RPTOR: variants seen among roughly 807,000 people sequenced by gnomAD.
The protein encoded by RPTOR is regulatory associated protein of MTOR complex 1.
In RPTOR, 21 loss-of-function variants were observed where a neutral mutation model predicts 169.9. The observed-to-expected ratio is 0.12, with a 90% CI of 0.09 to 0.18. The LOEUF (loss-of-function observed/expected upper bound fraction) is 0.18, where lower values mean the gene tolerates loss of function less well. Among genes scored for constraint, RPTOR ranks in the 10% least tolerant of loss-of-function variants. The probability of loss-of-function intolerance (pLI) is 1.00; values close to 1 mark genes in which losing one functional copy is unlikely to be tolerated. For synonymous variants in RPTOR, 732 were observed against 753.2 expected, an observed-to-expected ratio of 0.97 and a Z score of 0.46; for missense variants, 1,133 against 1,855.9, an observed-to-expected ratio of 0.61 and a Z score of 7.16.
At chr17:80,698,430 C>T (rs953452655) in intron 3 of RPTOR, among the ~76,000 whole-genome samples, 2 of 152,146 alleles carry the variant, frequency 1.3e-5, no homozygotes, top group African/African-American at 4.8e-5. Context: ...GAGGTTTCTG[C>T]ACCGTTGTCA....
At chr17:80,784,878 T>C (rs2066976801) in intron 6 of RPTOR, among the ~76,000 whole-genome samples, 1 of 151,954 alleles carries the variant, frequency 6.6e-6, no homozygotes, top group East Asian at 1.9e-4. Context: ...CTGGTTTTTT[T>C]TGTTGTTGTT....
At chr17:80,919,137 T>C (rs926068174) in intron 21 of RPTOR, among the ~76,000 whole-genome samples, 3 of 152,218 alleles carry the variant, frequency 2.0e-5, no homozygotes, top group Non-Finnish European at 4.4e-5. Context: ...ATGGGCATCT[T>C]GTTAAGAGTC....
chr17:80,823,201 C>T lies in RPTOR; in HGVS notation c.1114C>T (p.Pro372Ser). 1 of 1,614,100 alleles carries T rather than the reference C, an allele frequency of 6.2e-7. No homozygotes were observed. Among genetic ancestry groups the T allele is most frequent in the Non-Finnish European group, 8.5e-7 (1 of 1,180,008 alleles). Residue 372 changes from proline (P) to serine (S), a missense_variant, in exon 9 of 34, where the codon CCC becomes TCC. Physicochemically the swap from Pro to Ser is moderately conservative, Grantham distance 74 (BLOSUM62 -1). This residue lies in a region of RPTOR where 289 missense variants were observed against 585.8 expected (regional missense o/e 0.49). Transcript: ENST00000306801. The surrounding 1 kb of genome is among the most constrained non-coding windows in gnomAD (Gnocchi z 4.5). ...TCCCGTCAGCAGCCCGCGTCTGCCG[C>T]CCACGTACATGCACGCCATGTGGTG... Reference protein sequence around the residue: ...CTPVSSPRLPPTYMHAMWQAW... With the variant: ...CTPVSSPRLPSTYMHAMWQAW...
At chr17:80,716,980 T>A (rs933049919) in intron 4 of RPTOR, among the ~76,000 whole-genome samples, 2 of 152,222 alleles carry the variant, frequency 1.3e-5, no homozygotes, top group African/African-American at 4.8e-5. Flanking sequence ...GGCCTTATAG[T>A]ATAGTATGAA....
At chr17:80,800,580 C>A (rs9905648) in intron 7 of RPTOR, among the ~76,000 whole-genome samples, 1 of 152,026 alleles carries the variant, frequency 6.6e-6, no homozygotes, top group African/African-American at 2.4e-5. Flanking sequence ...AGCGACCCCC[C>A]CAGTTTCTAA....
In RPTOR at chr17:80,966,228, CCGGCT is replaced by C; in HGVS notation, c.*1901_*1905del. 4.5e-6 allele frequency: 1 copy of C among 222,248 alleles called. No homozygotes were observed. The highest frequency in any genetic ancestry group is 2.3e-5 in the African/African-American group (1 of 43,902). 13.8% of individuals were successfully genotyped at this position (222,248 alleles called of 1,614,324 possible). A position where few individuals can be genotyped will look rare whatever the true frequency, so the allele number is the denominator to read the frequency against. On this transcript the variant is annotated 3_prime_UTR_variant, in exon 34 of 34. Coordinates refer to ENST00000306801, the MANE Select transcript of RPTOR (RefSeq NM_020761.3). ...TGTGAAAATTCAATCACGACGTTAACCGGCTCGAGAGAGCGCCGGCCTAGAGGCTC... is the reference window on the plus strand; with the variant it reads ...TGTGAAAATTCAATCACGACGTTAACCGAGAGAGCGCCGGCCTAGAGGCTC...
At chr17:80,710,229 A>C (rs539178223) in intron 4 of RPTOR, among the ~76,000 whole-genome samples, 108 of 152,224 alleles carry the variant, frequency 7.1e-4, no homozygotes, top group Middle Eastern at 3.4e-3. Context: ...TCCTGAGTCC[A>C]AATAATCCTC....
chr17:80,618,957 T>A (rs972412127), intron 1 of RPTOR, among the ~76,000 whole-genome samples: 11 of 152,318 alleles, frequency 7.2e-5, no homozygotes, highest in Admixed American at 5.2e-4. Context: ...TTCCTTCTCT[T>A]GGACAACTTG....
At chr17:80,875,652 G>A (rs533695467) in intron 13 of RPTOR, among the ~76,000 whole-genome samples, 54 of 152,234 alleles carry the variant, frequency 3.5e-4, no homozygotes, top group African/African-American at 1.1e-3. Context: ...TCTGAGCCCC[G>A]AGTCTCTGCC....
chr17:80,545,199 C>A lies in RPTOR; in HGVS notation c.-431C>A. ...CCTTGGCCGGAGACCTCAGCCCAGT[C>A]GGCCCAGTGGGCGAACCGGCACCAA... is the stretch of plus-strand genomic sequence containing the variant. On this transcript the variant is annotated 5_prime_UTR_variant, in exon 1 of 34. Transcript: ENST00000306801. 1 of 235,856 alleles carries A rather than the reference C, an allele frequency of 4.2e-6. No homozygotes were observed. Among genetic ancestry groups the A allele is most frequent in the Non-Finnish European group, 8.4e-6 (1 of 119,548 alleles). The allele number at this position is 235,856 out of a possible 1,614,324, so 14.6% of individuals were successfully genotyped here. A position where few individuals can be genotyped will look rare whatever the true frequency, so the allele number is the denominator to read the frequency against.
chr17:80,934,000 G>A (rs904397478), intron 24 of RPTOR, among the ~76,000 whole-genome samples: 5 of 151,480 alleles, frequency 3.3e-5, no homozygotes, highest in South Asian at 2.1e-4. Flanking sequence ...GGGGTTCAGC[G>A]GTGCAATACC....
intron 7 of RPTOR, among the ~76,000 whole-genome samples, chr17:80,799,176 AATTATAGTT>A (rs1457671098): frequency 6.6e-6 from 1 of 152,180 alleles, no homozygotes; most frequent in Non-Finnish European, 1.5e-5. Flanking sequence ...ACTTGTTTTT[AATTATAGTT>A]TTAAGACCAG....
chr17:80,651,142 G>A lies in RPTOR; in HGVS notation c.348+7332G>A, dbSNP rs1364876668. Among the ~76,000 whole-genome samples the A allele has an allele frequency of 6.6e-6, 1 of 152,202 alleles. No homozygotes were observed. The highest frequency in any genetic ancestry group is 1.5e-5 in the Non-Finnish European group (1 of 68,032). On this transcript the variant is annotated intron_variant, in intron 3 of 33. Coordinates refer to ENST00000306801, the MANE Select transcript of RPTOR (RefSeq NM_020761.3). The surrounding 1 kb of genome is among the most constrained non-coding windows in gnomAD (Gnocchi z 4.1). ...TAACTTGGGGACCGTGATACAGAGC[G>A]ATGCGGAGATGGCTCTGAAGGACAG...
intron 24 of RPTOR, among the ~76,000 whole-genome samples, chr17:80,930,438 C>A (rs2068879961): frequency 3.1e-5 from 1 of 32,602 alleles, no homozygotes; most frequent in African/African-American, 1.2e-4. Context: ...TCCTCATCCC[C>A]AGCTCATCCT....
chr17:80,936,901 G>A lies in RPTOR; in HGVS notation c.2920-3595G>A, dbSNP rs575951075. 2.0e-5 allele frequency among the ~76,000 whole-genome samples: 3 copies of A among 152,348 alleles called. No individual in the cohort carries two copies. In the South Asian group the frequency reaches 6.2e-4, roughly 32 times the overall value. ...GCTTGGCGATTTGTGGTAACACAAA[G>A]GCTGTGTCCTTGGACGTAATGTACA... is the stretch of plus-strand genomic sequence containing the variant. On this transcript the variant is annotated intron_variant, in intron 24 of 33. Transcript: ENST00000306801. The surrounding 1 kb of genome is among the most constrained non-coding windows in gnomAD (Gnocchi z 4.1).
At chr17:80,924,619 C>G (rs2068789009) in intron 23 of RPTOR, among the ~76,000 whole-genome samples, 1 of 151,970 alleles carries the variant, frequency 6.6e-6, no homozygotes, top group African/African-American at 2.4e-5. Flanking sequence ...TGGCCAGGCC[C>G]TGGGGAGCAA....
intron 3 of RPTOR, among the ~76,000 whole-genome samples, chr17:80,653,688 G>A (rs539460580): frequency 3.3e-5 from 5 of 152,318 alleles, no homozygotes; most frequent in Admixed American, 2.0e-4. Context: ...GCCGTGCTGC[G>A]GCCCTGTGGG....
At chr17:80,816,031 C>T (rs2067319935) in intron 7 of RPTOR, among the ~76,000 whole-genome samples, 1 of 152,260 alleles carries the variant, frequency 6.6e-6, no homozygotes, top group South Asian at 2.1e-4. Context: ...CGCAGGCAGT[C>T]GGAGAGCCAC....
rs1031060209 is a variant in RPTOR, at chr17:80,651,698, T to C, written c.348+7888T>C. Among the ~76,000 whole-genome samples the C allele has an allele frequency of 6.6e-6, 1 of 151,472 alleles. No individual in the cohort carries two copies. The highest frequency in any genetic ancestry group is 2.4e-5 in the African/African-American group (1 of 41,094). On this transcript the variant is annotated intron_variant, in intron 3 of 33. Transcript: ENST00000306801. The surrounding 1 kb of genome is among the most constrained non-coding windows in gnomAD (Gnocchi z 4.1). The stretch of plus-strand genomic sequence containing the variant: ...GAGTTGGAGACCAGCCTGGCCAACA[T>C]GGTGAAACCTTGTCTCTACTAAAAA...
Sources: allele counts gnomAD v4.1 joint callset (sites outside exome capture counted in the v4.1 genomes callset), GRCh38; gene constraint gnomAD v4.1.1; regional missense constraint gnomAD v4.1.1; non-coding constraint Gnocchi (gnomAD v3.1); transcripts MANE v1.5; gene names NCBI Gene and HGNC (gene_info 2026-07-23, HGNC 2026-07-21).